The following BTG4 variants were observed in gnomAD, a reference collection of about 807,000 sequenced individuals.
BTG4 encodes the protein BTG anti-proliferation factor 4, also known as protein BTG4.
In BTG4, 10 loss-of-function variants were observed where a neutral mutation model predicts 19.3. The ratio of observed to expected loss-of-function variants is 0.52; its 90% CI spans 0.32 to 0.88. The LOEUF (loss-of-function observed/expected upper bound fraction) is 0.88. Among genes scored for constraint, BTG4 ranks in the 40% least tolerant of loss-of-function variants. The pLI is 0.04. For missense variants in BTG4, 238 were observed against 281.9 expected (o/e 0.84, Z 1.11); for synonymous variants, 91 against 95.7 (o/e 0.95, Z 0.29).
At chr11:111,514,687 G>A (rs1392281672), upstream of BTG4, 3 of 959,326 alleles carry the variant, frequency 3.1e-6, no homozygotes, top group African/African-American at 1.7e-5. Flanking sequence ...GAGGGCAGCC[G>A]GCAGGGGCTG....
intron 5 of BTG4, among the ~76,000 whole-genome samples, chr11:111,478,090 C>T (rs73553280): frequency 5.5e-4 from 84 of 152,220 alleles, no homozygotes; most frequent in African/African-American, 2.0e-3. Flanking sequence ...GCAGTAATAA[C>T]CTCTCCCCTC....
the BTG4 span, among the ~76,000 whole-genome samples, chr11:111,437,948 C>T: frequency 7.6e-4 from 116 of 152,296 alleles, 2 homozygotes; most frequent in Non-Finnish European, 3.1e-4. Flanking sequence ...CTGCAGGACC[C>T]CAGCCAGGCC....
intron 5 of BTG4, among the ~76,000 whole-genome samples, chr11:111,480,420 A>C (rs1464891340): frequency 6.6e-6 from 1 of 152,084 alleles, no homozygotes; most frequent in African/African-American, 2.4e-5. Context: ...ACAGAAAATC[A>C]GCAAGGATAT....
At chr11:111,429,798 C>A in the BTG4 span, among the ~76,000 whole-genome samples, 1 of 152,198 alleles carries the variant, frequency 6.6e-6, no homozygotes, top group African/African-American at 2.4e-5. Flanking sequence ...GGGCAACTCC[C>A]CCACTTCAAT....
rs489078 is a variant in BTG4, at chr11:111,497,322, G to T, written c.399C>A (p.Ala133=). The change falls in exon 4 of 5, where the codon GCC becomes GCA. Residue 133 remains alanine (A), a synonymous_variant. Transcript: ENST00000692032. ...EWELYQQISY[A]VSRASSDVSS... ...AAACGTCTGATGAGGCTCTACTAAC[G>T]GCATAACTGATTTGTTGATATAGTT... The T allele has an allele frequency of 1, 1,591,936 of 1,597,026 alleles. 793,583 individuals carry two copies. The highest frequency in any genetic ancestry group is 1 in the East Asian group (44,482 of 44,482).
intron 5 of BTG4, among the ~76,000 whole-genome samples, chr11:111,473,792 G>A (rs184743031): frequency 1.9e-4 from 29 of 152,242 alleles, no homozygotes; most frequent in African/African-American, 7.0e-4. Flanking sequence ...AAGGAACTGA[G>A]GATTAGACTT....
the BTG4 span, among the ~76,000 whole-genome samples, chr11:111,442,626 C>A: frequency 6.6e-6 from 1 of 151,118 alleles, no homozygotes; most frequent in East Asian, 1.9e-4. Context: ...CAACAACCCA[C>A]AATCATGAGG....
At chr11:111,511,411 C>CCCCT (rs1267619592) in intron 1 of BTG4, among the ~76,000 whole-genome samples, 1 of 152,202 alleles carries the variant, frequency 6.6e-6, no homozygotes, top group Non-Finnish European at 1.5e-5. Flanking sequence ...AGATGACCTG[C>CCCCT]CCCTGTTCAT....
the BTG4 span, among the ~76,000 whole-genome samples, chr11:111,426,343 C>G: frequency 5.1e-4 from 77 of 152,222 alleles, no homozygotes; most frequent in Middle Eastern, 3.4e-3. Context: ...ATCCTCCTGG[C>G]AGAAGACTCT....
the BTG4 span, among the ~76,000 whole-genome samples, chr11:111,433,970 A>C: frequency 1.3e-5 from 2 of 152,268 alleles, no homozygotes; most frequent in South Asian, 2.1e-4. Context: ...AATTAGTTCA[A>C]CCATTGTGGA....
chr11:111,492,439 C>T (rs1291181479), downstream of BTG4, among the ~76,000 whole-genome samples: 3 of 152,088 alleles, frequency 2.0e-5, no homozygotes, highest in Admixed American at 6.6e-5. Flanking sequence ...ATTTTTACAG[C>T]GATTAGTTCT....
At chr11:111,502,708 T>G (rs943484636) in intron 1 of BTG4, among the ~76,000 whole-genome samples, 1 of 152,208 alleles carries the variant, frequency 6.6e-6, no homozygotes, top group Non-Finnish European at 1.5e-5. Flanking sequence ...GTTTTTATAA[T>G]TCTTTCATTA....
the BTG4 span, among the ~76,000 whole-genome samples, chr11:111,421,768 C>G: frequency 5.3e-5 from 8 of 152,230 alleles, no homozygotes; most frequent in Non-Finnish European, 1.2e-4. Context: ...CAAAAATTAG[C>G]CAGGCATGGT....
intron 1 of BTG4, among the ~76,000 whole-genome samples, chr11:111,506,780 CTT>C (rs990312018): frequency 2.0e-5 from 3 of 152,008 alleles, no homozygotes; most frequent in Non-Finnish European, 4.4e-5. Flanking sequence ...ATAATACTCT[CTT>C]ATTAATGGAA....
At chr11:111,500,866 T>C (rs1410338935) in intron 1 of BTG4, among the ~76,000 whole-genome samples, 1 of 152,162 alleles carries the variant, frequency 6.6e-6, no homozygotes, top group African/African-American at 2.4e-5. Context: ...TTTTCATTAA[T>C]GCTATCATTT....
intron 5 of BTG4, among the ~76,000 whole-genome samples, chr11:111,481,700 G>A (rs1421905210): frequency 6.6e-6 from 1 of 151,702 alleles, no homozygotes; most frequent in Non-Finnish European, 1.5e-5. Flanking sequence ...TAATCCACAT[G>A]TCAATAGGCT....
downstream of BTG4, among the ~76,000 whole-genome samples, chr11:111,464,190 G>A (rs1365535054): frequency 6.6e-6 from 1 of 152,084 alleles, no homozygotes; most frequent in Admixed American, 6.6e-5. Context: ...GTAGAGACAG[G>A]GTTTCCCCAT....
chr11:111,507,724 C>T (rs1373283631), intron 1 of BTG4: 3 of 152,226 alleles, frequency 2.0e-5, no homozygotes, highest in Non-Finnish European at 4.4e-5. Flanking sequence ...GATCTACTTC[C>T]TCCTGTCAGC....
At chr11:111,392,924 A>G in the BTG4 span, among the ~76,000 whole-genome samples, 1 of 152,294 alleles carries the variant, frequency 6.6e-6, no homozygotes, top group South Asian at 2.1e-4. Context: ...GGCAAATAGT[A>G]AGCACCCAAA....
Sources: allele counts gnomAD v4.1 joint callset (sites outside exome capture counted in the v4.1 genomes callset), GRCh38; gene constraint gnomAD v4.1.1; transcripts MANE v1.5; gene names NCBI Gene and HGNC (gene_info 2026-07-23, HGNC 2026-07-21).